CEACAM19: variants seen among roughly 807,000 people sequenced by gnomAD.
The protein encoded by CEACAM19 is cell adhesion molecule CEACAM19.
A neutral mutation model predicts 37.6 loss-of-function variants in CEACAM19; 37 were observed. The ratio of observed to expected loss-of-function variants is 0.98; its 90% CI spans 0.76 to 1.29. CEACAM19 has a LOEUF of 1.29. CEACAM19 is among the 50% of genes most tolerant of loss of function. The probability of loss-of-function intolerance (pLI) is 0.00; values close to 1 mark genes in which losing one functional copy is unlikely to be tolerated. For synonymous variants in CEACAM19, 140 were observed against 149.8 expected (o/e 0.93, Z 0.48); for missense variants, 340 against 375.6 (o/e 0.91, Z 0.78).
chr19:44,668,687 A>ATT (rs1343508329), upstream of CEACAM19, among the ~76,000 whole-genome samples: 69 of 66,278 alleles, frequency 1.0e-3, 8 homozygotes, highest in African/African-American at 5.3e-3. Flanking sequence ...TATATATTAT[A>ATT]ATATATTATA....
upstream of CEACAM19, among the ~76,000 whole-genome samples, chr19:44,667,991 A>C (rs1292277696): frequency 3.0e-3 from 1 of 336 alleles, no homozygotes; most frequent in East Asian, 0.062. Flanking sequence ...TAAATATAGT[A>C]TATATTTATA....
upstream of CEACAM19, among the ~76,000 whole-genome samples, chr19:44,669,990 T>C (rs1337298388): frequency 1.3e-5 from 2 of 152,158 alleles, no homozygotes; most frequent in African/African-American, 4.8e-5. Context: ...AACTGGGCAC[T>C]GGGAATGTGT....
upstream of CEACAM19, among the ~76,000 whole-genome samples, chr19:44,668,539 TA>T (rs1483785682): frequency 1.5e-5 from 1 of 67,052 alleles, no homozygotes; most frequent in African/African-American, 9.6e-5. Context: ...ATAATATATG[TA>T]TATAATTATA....
upstream of CEACAM19, among the ~76,000 whole-genome samples, chr19:44,667,677 T>C (rs1440425592): frequency 1.2e-5 from 1 of 86,072 alleles, no homozygotes; most frequent in Admixed American, 2.1e-4. Flanking sequence ...TAAATATATA[T>C]TATATATATA....
At position 44,676,835 on chromosome 19, in the gene CEACAM19, C is replaced by T. The variant is rs550480522; in HGVS notation, c.575+414C>T. On this transcript the variant is annotated intron_variant, in intron 3 of 7. Coordinates refer to ENST00000358777, the MANE Select transcript of CEACAM19 (RefSeq NM_001127893.3). ...GATGGGGTTTTGCCCAGGCTGGTCT[C>T]GAACTCCTGGGCTCAAGTGATCCTC... 9.9e-5 allele frequency among the ~76,000 whole-genome samples: 15 copies of T among 151,930 alleles called. No individual in the cohort carries two copies. The South Asian group carries it at 1.0e-3, about 11-fold the overall frequency.
intron 1 of CEACAM19, 108 bp downstream of exon 1, chr19:44,672,094 A>G (rs1973865432): frequency 5.5e-6 from 5 of 903,706 alleles, no homozygotes; most frequent in Non-Finnish European, 8.7e-6. Context: ...GGATGAAATT[A>G]GAATAAGATG....
chr19:44,672,121 A>C (rs541469076), intron 1 of CEACAM19, 135 bp downstream of exon 1: 15 of 721,594 alleles, frequency 2.1e-5, no homozygotes, highest in African/African-American at 1.1e-4. Flanking sequence ...GGGCAACAGA[A>C]TCACAGCCTC....
At chr19:44,673,098 G>C in intron 2 of CEACAM19, 134 bp downstream of exon 2, 1 of 648,094 alleles carries the variant, frequency 1.5e-6, no homozygotes, top group Non-Finnish European at 2.3e-6. Flanking sequence ...AGCATCTACT[G>C]TGTACCAATC....
upstream of CEACAM19, among the ~76,000 whole-genome samples, chr19:44,671,135 T>C (rs1212533003): frequency 1.3e-5 from 2 of 152,032 alleles, no homozygotes; most frequent in Non-Finnish European, 2.9e-5. Context: ...CTTTTTTTTT[T>C]TTTTGAGACG....
At chr19:44,681,596 T>C (rs1242581061) in intron 6 of CEACAM19, among the ~76,000 whole-genome samples, 1 of 152,150 alleles carries the variant, frequency 6.6e-6, no homozygotes, top group Non-Finnish European at 1.5e-5. Flanking sequence ...ACCTTTATAA[T>C]GGGGAGGTTT....
intron 3 of CEACAM19, among the ~76,000 whole-genome samples, chr19:44,676,866 T>C (rs1223075588): frequency 6.6e-6 from 1 of 152,142 alleles, no homozygotes; most frequent in Non-Finnish European, 1.5e-5. Context: ...TCCTCCAGCT[T>C]TGGCCTCCCA....
Position 44,672,830 on chromosome 19 carries a change from G to T in CEACAM19, c.290G>T (p.Arg97Leu). 1 of 1,601,326 alleles carries T rather than the reference G, an allele frequency of 6.2e-7. No individual in the cohort carries two copies. Among genetic ancestry groups the T allele is most frequent in the East Asian group, 2.3e-5 (1 of 44,112 alleles). The change falls in exon 2 of 8, where the codon CGA becomes CTA. Residue 97 changes from arginine (R) to leucine (L), a missense_variant. Coordinates refer to ENST00000358777, the MANE Select transcript of CEACAM19 (RefSeq NM_001127893.3). Reference protein sequence around the residue: ...PQRDGSAMGQRDIVGFPNGSM... With the variant: ...PQRDGSAMGQLDIVGFPNGSM... ...AGGGATGGCAGTGCCATGGGACAGC[G>T]AGACATCGTGGGCTTCCCCAATGGT...
intron 4 of CEACAM19, 147 bp downstream of exon 4, chr19:44,679,083 C>A: frequency 1.6e-6 from 2 of 1,251,756 alleles, no homozygotes; most frequent in Non-Finnish European, 2.1e-6. Flanking sequence ...GCCTCGACCT[C>A]CCTGGTTCAA....
intron 2 of CEACAM19, 87 bp from the exon 3 acceptor site, chr19:44,676,184 T>G: frequency 7.4e-7 from 1 of 1,356,392 alleles, no homozygotes; most frequent in Non-Finnish European, 1.0e-6. Flanking sequence ...CTCCATGCAG[T>G]CACTGATATA....
At chr19:44,682,430 A>T (rs1974077226) in intron 6 of CEACAM19, 137 bp from the exon 7 acceptor site, 3 of 817,948 alleles carry the variant, frequency 3.7e-6, no homozygotes, top group Non-Finnish European at 6.0e-6. Context: ...AAGGAAGCTA[A>T]TCCCCTCTGC....
At chr19:44,680,458 C>T (rs1974036541) in intron 5 of CEACAM19, 124 bp downstream of exon 5, 3 of 871,212 alleles carry the variant, frequency 3.4e-6, no homozygotes, top group Non-Finnish European at 5.5e-6. Context: ...GCCCCGAGAC[C>T]TCTCTGGGGC....
intron 4 of CEACAM19, 59 bp from the exon 5 acceptor site, chr19:44,680,229 C>G: frequency 7.0e-7 from 1 of 1,429,078 alleles, no homozygotes; most frequent in African/African-American, 1.4e-5. Context: ...TCTTAAGTCT[C>G]TCTCCCCCCG....
intron 2 of CEACAM19, 147 bp downstream of exon 2, chr19:44,673,111 C>G: frequency 1.8e-6 from 1 of 566,442 alleles, no homozygotes; most frequent in Non-Finnish European, 2.7e-6. Context: ...TACCAATCCC[C>G]AGAGATAGTC....
chr19:44,676,223 G>A, intron 2 of CEACAM19, 48 bp from the exon 3 acceptor site: 1 of 1,595,856 alleles, frequency 6.3e-7, no homozygotes, highest in Non-Finnish European at 8.6e-7. Context: ...GAGCCCTCAG[G>A]AGACATCGCA....
Sources: gnomAD v4.1 joint callset for allele counts (sites outside exome capture counted in the v4.1 genomes callset) on GRCh38, gnomAD v4.1.1 for gene constraint, MANE v1.5 for transcripts, NCBI Gene and HGNC (gene_info 2026-07-23, HGNC 2026-07-21) for gene names.